TTC24: variants seen among roughly 807,000 people sequenced by gnomAD.
The protein encoded by TTC24 is tetratricopeptide repeat protein 24.
A neutral mutation model predicts 63.3 loss-of-function variants in TTC24; 54 were observed. That is an observed-to-expected ratio of 0.85 (90% CI 0.69 to 1.07). TTC24 has a LOEUF of 1.07. TTC24 is among the 50% of genes least tolerant of loss of function. The pLI is 0.00. For missense variants in TTC24, 680 were observed against 730.5 expected (o/e 0.93, Z 0.80); for synonymous variants, 276 against 304.3 (o/e 0.91, Z 0.97).
rs756964487 is a variant in TTC24, at chr1:156,585,010, CCCTCTGCAGGGTGTTGGGGG to C, written c.1349+38_1349+57del. 16 of 1,542,626 alleles carry C rather than the reference CCCTCTGCAGGGTGTTGGGGG, an allele frequency of 1.0e-5. No individual in the cohort carries two copies. In the Admixed American group the frequency reaches 1.7e-4, roughly 17 times the overall value. On this transcript the variant is annotated intron_variant, in intron 7 of 10. Coordinates refer to ENST00000368236, the MANE Select transcript of TTC24 (RefSeq NM_001105669.4). ...GAATGGTGCAGCAGAGATGCATGCGCCCTCTGCAGGGTGTTGGGGGCTGTCGCAGTGGGGTAGGACCCCAT... is the reference window on the plus strand; with the variant it reads ...GAATGGTGCAGCAGAGATGCATGCGCCTGTCGCAGTGGGGTAGGACCCCAT...
Position 156,583,479 on chromosome 1 carries a change from C to A in TTC24, c.1152+29C>A. 1.3e-6 allele frequency: 2 copies of A among 1,524,786 alleles called. No individual in the cohort carries two copies. The highest frequency in any genetic ancestry group is 1.8e-6 in the Non-Finnish European group (2 of 1,127,442). The allele number at this position is 1,524,786 out of a possible 1,614,324, so 94.5% of individuals were successfully genotyped here. A position where few individuals can be genotyped will look rare whatever the true frequency, so the allele number is the denominator to read the frequency against. On this transcript the variant is annotated intron_variant, in intron 5 of 10. Transcript: ENST00000368236. This position sits in a 1 kb window ranked among gnomAD's most constrained non-coding sequence, Gnocchi z 4.0. ...AGACCCCGCACACCGGAATCCACCT[C>A]TCCCCTGCTATCCCTCTTCTGGCTG...
In TTC24 at chr1:156,581,708, G is replaced by A. The variant is rs143811617; in HGVS notation, c.344G>A (p.Arg115Gln). The A allele has an allele frequency of 3.5e-5, 54 of 1,551,758 alleles. No individual in the cohort carries two copies. Among genetic ancestry groups the A allele is most frequent in the Non-Finnish European group, 4.3e-5 (49 of 1,146,998 alleles). Residue 115 changes from arginine to glutamine, a missense_variant, in exon 2 of 11, where the codon CGA becomes CAA. Coordinates refer to ENST00000368236, the MANE Select transcript of TTC24 (RefSeq NM_001105669.4). Reference protein sequence around the residue: ...AHPEEKAQGRRHGDQCFNVAL... With the variant: ...AHPEEKAQGRQHGDQCFNVAL... ...CCTGAAGAGAAGGCACAGGGCAGGC[G>A]ACACGGCGACCAATGTTTCAATGTG... is the stretch of plus-strand genomic sequence containing the variant.
chr1:156,585,896 A>G, intron 9 of TTC24, 53 bp from the exon 10 acceptor site: 1 of 1,582,132 alleles, frequency 6.3e-7, no homozygotes, highest in African/African-American at 1.3e-5. Context: ...CCACCATGAT[A>G]GTTCTTGGTG....
chr1:156,583,152 C>T lies in TTC24; in HGVS notation c.1021C>T (p.Gln341Ter), dbSNP rs756973992. 1.2e-6 allele frequency: 2 copies of T among 1,612,444 alleles called. No individual in the cohort carries two copies. The highest frequency in any genetic ancestry group is 2.2e-5 in the South Asian group (2 of 90,812). Residue 341 changes from glutamine (Q) to a stop codon, truncating the protein, a stop_gained, in exon 4 of 11, where the codon CAG (glutamine) becomes TAG (stop). Transcript: ENST00000368236. LOFTEE classifies it high-confidence loss of function. The surrounding 1 kb of genome is among the most constrained non-coding windows in gnomAD (Gnocchi z 4.0). Reference sequence around the variant, plus strand: ...CAGAGACAACTACCTGCATGCCCTGCAGGCTGCCCGGGACTCTGGTAAGCG... The same window carrying T: ...CAGAGACAACTACCTGCATGCCCTGTAGGCTGCCCGGGACTCTGGTAAGCG... The part of the protein sequence containing the change: ...AARDNYLHAL[Q>*]AARDSGDMKG...
chr1:156,586,603 C>A lies in TTC24; in HGVS notation c.*53C>A. On this transcript the variant is annotated 3_prime_UTR_variant, in exon 11 of 11. Coordinates refer to ENST00000368236, the MANE Select transcript of TTC24 (RefSeq NM_001105669.4). ...CCCTGAAGCACCTGTCCAACACGCA[C>A]ACACTAGGGGGTCCTGGGGACCAAG... 1.3e-6 allele frequency: 2 copies of A among 1,508,082 alleles called. No individual in the cohort carries two copies. Among genetic ancestry groups the A allele is most frequent in the Non-Finnish European group, 1.8e-6 (2 of 1,093,434 alleles). 93.4% of individuals were successfully genotyped at this position (1,508,082 alleles called of 1,614,324 possible). A position where few individuals can be genotyped will look rare whatever the true frequency, so the allele number is the denominator to read the frequency against.
chr1:156,581,380 C>A lies in TTC24; in HGVS notation c.16C>A (p.Pro6Thr). Residue 6 changes from proline (P) to threonine (T), a missense_variant, in exon 2 of 11, where the codon CCT (proline) becomes ACT (threonine). By Grantham distance (38) the Pro-to-Thr change is conservative (BLOSUM62 -1). Coordinates refer to ENST00000368236, the MANE Select transcript of TTC24 (RefSeq NM_001105669.4). The part of the protein sequence containing the change: MSSPN[P>T]EDVPRRPEPE... ...TGTCAGCCCTATGTCTTCCCCCAACCCTGAGGATGTGCCCCGGAGGCCAGA... is the reference window on the plus strand; with the variant it reads ...TGTCAGCCCTATGTCTTCCCCCAACACTGAGGATGTGCCCCGGAGGCCAGA... 6.6e-7 allele frequency: 1 copy of A among 1,510,602 alleles called. No homozygotes were observed. 93.6% of individuals were successfully genotyped at this position (1,510,602 alleles called of 1,614,324 possible). A position where few individuals can be genotyped will look rare whatever the true frequency, so the allele number is the denominator to read the frequency against.
Position 156,581,689 on chromosome 1 carries a change from G to C in TTC24, c.325G>C (p.Glu109Gln). The C allele has an allele frequency of 1.9e-6, 3 of 1,551,802 alleles. No homozygotes were observed. Among genetic ancestry groups the C allele is most frequent in the South Asian group, 1.2e-5 (1 of 84,068 alleles). The part of the protein sequence containing the change: ...LELLLRAHPE[E>Q]KAQGRRHGDQ... ...GCTACTCCTGCGAGCCCACCCTGAA[G>C]AGAAGGCACAGGGCAGGCGACACGG... Residue 109 changes from glutamate to glutamine, a missense_variant, in exon 2 of 11, where the codon GAG (glutamate) becomes CAG (glutamine). By Grantham distance (29) the Glu-to-Gln change is conservative. Transcript: ENST00000368236.
chr1:156,581,640 T>G lies in TTC24; in HGVS notation c.276T>G (p.Thr92=). ...AFNLGAAYVE[T]GDPARGLELL... is the part of the protein sequence containing the mutation. ...ACCTGGGGGCTGCCTATGTGGAGAC[T>G]GGGGACCCAGCCAGAGGCCTTGAGC... Residue 92 remains threonine, a synonymous_variant, in exon 2 of 11, where the codon ACT becomes ACG. Coordinates refer to ENST00000368236, the MANE Select transcript of TTC24 (RefSeq NM_001105669.4). The G allele has an allele frequency of 1.3e-6, 2 of 1,551,704 alleles. No homozygotes were observed. Among genetic ancestry groups the G allele is most frequent in the Non-Finnish European group, 1.7e-6 (2 of 1,146,992 alleles).
In TTC24 at chr1:156,586,457, T is replaced by G; in HGVS notation, c.1668-12T>G. The G allele has an allele frequency of 3.1e-6, 5 of 1,611,818 alleles. No homozygotes were observed. The highest frequency in any genetic ancestry group is 4.5e-5 in the East Asian group (2 of 44,830). ...TCACCCCCACTGGCAAGCCCCTCCCTGCCTCTTTCAGGTCATCCAGGTGGC... is the reference window on the plus strand; with the variant it reads ...TCACCCCCACTGGCAAGCCCCTCCCGGCCTCTTTCAGGTCATCCAGGTGGC... On this transcript the variant is annotated splice_polypyrimidine_tract_variant and intron_variant, in intron 10 of 10. Transcript: ENST00000368236.
chr1:156,581,954 T>C lies in TTC24; in HGVS notation c.590T>C (p.Leu197Pro). ...CAGCTGCGGGCCGCAGCCCTGGCAC[T>C]GGGGGCTGCGGCAGGATGTATGCTG... ...ERQLRAAALA[L>P]GAAAGCMLKS... The change falls in exon 2 of 11, where the codon CTG becomes CCG. Residue 197 changes from leucine to proline, a missense_variant. By Grantham distance (98) the Leu-to-Pro change is moderately conservative. Transcript: ENST00000368236. The C allele has an allele frequency of 6.5e-7, 1 of 1,535,412 alleles. No individual in the cohort carries two copies. The highest frequency in any genetic ancestry group is 8.8e-7 in the Non-Finnish European group (1 of 1,141,268).
chr1:156,581,015 A>G (rs371777331), intron 1 of TTC24, among the ~76,000 whole-genome samples: 1 of 152,178 alleles, frequency 6.6e-6, no homozygotes, highest in Non-Finnish European at 1.5e-5. Context: ...GGAAGACAAT[A>G]AAGTCATCAG....
intron 10 of TTC24, 150 bp downstream of exon 10, chr1:156,586,195 T>C: frequency 1.4e-6 from 1 of 700,702 alleles, no homozygotes; most frequent in Non-Finnish European, 2.4e-6. Flanking sequence ...AGCCCCACTT[T>C]GTCTTTGCCC....
In TTC24 at chr1:156,583,844, C is replaced by CA. The variant is rs1677076483; in HGVS notation, c.1201dup (p.Thr401AsnfsTer58). 6.3e-7 allele frequency: 1 copy of CA among 1,584,336 alleles called. No homozygotes were observed. The highest frequency in any genetic ancestry group is 8.6e-7 in the Non-Finnish European group (1 of 1,166,780). ...AACGGCTGGTGGCCAAGCTGGCAGACACCGTGAGGACGCGCTTGGCCCAGG... is the reference window on the plus strand; with the variant it reads ...AACGGCTGGTGGCCAAGCTGGCAGACAACCGTGAGGACGCGCTTGGCCCAGG... On this transcript the variant is annotated frameshift_variant, in exon 6 of 11. Transcript: ENST00000368236. LOFTEE classifies it high-confidence loss of function. This position sits in a 1 kb window ranked among gnomAD's most constrained non-coding sequence, Gnocchi z 4.0.
At chr1:156,580,052 T>C (rs944861643) in intron 1 of TTC24, among the ~76,000 whole-genome samples, 1 of 152,064 alleles carries the variant, frequency 6.6e-6, no homozygotes, top group Admixed American at 6.5e-5. Context: ...AAACAGGATA[T>C]ACAAGCTGCT....
At position 156,581,688 on chromosome 1, in the gene TTC24, A is replaced by C; in HGVS notation, c.324A>C (p.Glu108Asp). ...GLELLLRAHP[E>D]EKAQGRRHGD... ...AGCTACTCCTGCGAGCCCACCCTGA[A>C]GAGAAGGCACAGGGCAGGCGACACG... The change falls in exon 2 of 11, where the codon GAA (glutamate) becomes GAC (aspartate). Residue 108 changes from glutamate (E) to aspartate (D), a missense_variant. Glu to Asp is a conservative substitution (Grantham distance 45, BLOSUM62 2). Coordinates refer to ENST00000368236, the MANE Select transcript of TTC24 (RefSeq NM_001105669.4). 6.4e-7 allele frequency: 1 copy of C among 1,551,732 alleles called. No individual in the cohort carries two copies. Among genetic ancestry groups the C allele is most frequent in the Non-Finnish European group, 8.7e-7 (1 of 1,147,000 alleles).
Position 156,586,608 on chromosome 1 carries a change from TA to T in TTC24, c.*59del. 1 of 1,478,984 alleles carries T rather than the reference TA, an allele frequency of 6.8e-7. No individual in the cohort carries two copies. Among genetic ancestry groups the T allele is most frequent in the South Asian group, 1.2e-5 (1 of 84,462 alleles). 91.6% of individuals were successfully genotyped at this position (1,478,984 alleles called of 1,614,324 possible). ...AAGCACCTGTCCAACACGCACACAC[TA>T]GGGGGTCCTGGGGACCAAGCCTCTT... On this transcript the variant is annotated 3_prime_UTR_variant, in exon 11 of 11. Transcript: ENST00000368236.
At chr1:156,585,493 T>C in intron 8 of TTC24, 1 of 604,120 alleles carries the variant, frequency 1.7e-6, no homozygotes, top group South Asian at 2.0e-5. Flanking sequence ...GAACTCCCTC[T>C]TCCTTCCTGC....
rs878877663 is a variant in TTC24 at position 156,583,709 on chromosome 1, T to G, written c.1153-88T>G. On this transcript the variant is annotated intron_variant, in intron 5 of 10. Transcript: ENST00000368236. This position sits in a 1 kb window ranked among gnomAD's most constrained non-coding sequence, Gnocchi z 4.0. ...GGGGAAACAAAGCCCCCCTCCCCCC[T>G]CCCTTTCCTGTTTCCTTCTTCCCCA... 2.9e-4 allele frequency: 106 copies of G among 370,014 alleles called. No homozygotes were observed. The highest frequency in any genetic ancestry group is 4.4e-4 in the Non-Finnish European group (91 of 205,614). 22.9% of individuals were successfully genotyped at this position (370,014 alleles called of 1,614,324 possible). A position where few individuals can be genotyped will look rare whatever the true frequency, so the allele number is the denominator to read the frequency against.
chr1:156,581,801 A>G lies in TTC24; in HGVS notation c.437A>G (p.His146Arg). 6.4e-7 allele frequency: 1 copy of G among 1,551,472 alleles called. No individual in the cohort carries two copies. Among genetic ancestry groups the G allele is most frequent in the Non-Finnish European group, 8.7e-7 (1 of 1,146,966 alleles). ...GCCTGGTACCACAGGGCCCTGGGCC[A>G]CTACCAGCCACAGGGTGACCAGGGA... Reference protein sequence around the residue: ...ALAWYHRALGHYQPQGDQGEA... With the variant: ...ALAWYHRALGRYQPQGDQGEA... Residue 146 changes from histidine (H) to arginine (R), a missense_variant, in exon 2 of 11, where the codon CAC becomes CGC. Coordinates refer to ENST00000368236, the MANE Select transcript of TTC24 (RefSeq NM_001105669.4).
Sources: gnomAD v4.1 joint callset for allele counts (sites outside exome capture counted in the v4.1 genomes callset) on GRCh38, gnomAD v4.1.1 for gene constraint, Gnocchi (gnomAD v3.1) non-coding constraint, MANE v1.5 for transcripts, NCBI Gene and HGNC (gene_info 2026-07-23, HGNC 2026-07-21) for gene names.